Variants in SNTG2 observed in about 807,000 individuals in gnomAD.
SNTG2 encodes syntrophin gamma 2.
Under a neutral mutation model 70.9 loss-of-function variants are expected in SNTG2, and 74 were observed. The ratio of observed to expected loss-of-function variants is 1.04; its 90% CI spans 0.86 to 1.27. SNTG2 has a LOEUF of 1.27. Among genes scored for constraint, SNTG2 ranks in the 50% most tolerant of loss-of-function variants. The probability of loss-of-function intolerance (pLI) is 0.00; values close to 1 mark genes in which losing one functional copy is unlikely to be tolerated. For missense variants in SNTG2, 717 were observed against 690.7 expected, an observed-to-expected ratio of 1.04 and a Z score of -0.43; for synonymous variants, 278 against 273.8, an observed-to-expected ratio of 1.02 and a Z score of -0.15.
intron 1 of SNTG2, among the ~76,000 whole-genome samples, chr2:964,220 A>G (rs1247665068): frequency 1.3e-5 from 2 of 152,206 alleles, no homozygotes; most frequent in African/African-American, 2.4e-5. Flanking sequence ...TTTCTAAAAT[A>G]AATTCCTTAT....
chr2:1,165,288 G>C (rs1670630727), intron 6 of SNTG2, among the ~76,000 whole-genome samples: 1 of 152,062 alleles, frequency 6.6e-6, no homozygotes, highest in African/African-American at 2.4e-5. Context: ...GCATCCCTGT[G>C]ATGTGTTGTG....
At chr2:986,236 T>C (rs1233640626) in intron 1 of SNTG2, among the ~76,000 whole-genome samples, 2 of 152,178 alleles carry the variant, frequency 1.3e-5, no homozygotes, top group Non-Finnish European at 2.9e-5. Context: ...TGTACTCTCA[T>C]GGCCTGAGCA....
intron 9 of SNTG2, among the ~76,000 whole-genome samples, chr2:1,230,443 C>T (rs1180385386): frequency 6.6e-6 from 1 of 152,164 alleles, no homozygotes; most frequent in Non-Finnish European, 1.5e-5. Context: ...GTGATGCCTT[C>T]ACCTGGATGA....
intron 8 of SNTG2, among the ~76,000 whole-genome samples, chr2:1,183,896 A>G (rs530688778): frequency 6.6e-6 from 1 of 152,324 alleles, no homozygotes; most frequent in South Asian, 2.1e-4. Flanking sequence ...TCAAACAAAT[A>G]TAAGGAAAGG....
At chr2:1,042,822 G>C (rs1009669457) in intron 1 of SNTG2, among the ~76,000 whole-genome samples, 1 of 152,178 alleles carries the variant, frequency 6.6e-6, no homozygotes, top group Non-Finnish European at 1.5e-5. Flanking sequence ...ATAGTGCTGG[G>C]ATGAGGATAG....
chr2:1,145,987 A>G (rs781441828), intron 6 of SNTG2, among the ~76,000 whole-genome samples: 1 of 152,198 alleles, frequency 6.6e-6, no homozygotes, highest in Non-Finnish European at 1.5e-5. Context: ...AAAGCATTCC[A>G]CAAAACCCAA....
intron 4 of SNTG2, among the ~76,000 whole-genome samples, chr2:1,123,794 A>G (rs1667527297): frequency 6.6e-6 from 1 of 151,126 alleles, no homozygotes; most frequent in Non-Finnish European, 1.5e-5. Flanking sequence ...CATGTATCTG[A>G]TAAGAGGTTA....
At position 1,212,964 on chromosome 2, in the gene SNTG2, A is replaced by G. The variant is rs143799530; in HGVS notation, c.719+3734A>G. Among the ~76,000 whole-genome samples, 15 of 152,358 alleles carry G rather than the reference A, an allele frequency of 9.8e-5. No homozygotes were observed. The East Asian group carries it at 2.9e-3, about 29-fold the overall frequency. Reference sequence around the variant, plus strand: ...TGTAGCCCAGGAGGAACCTTTAGATATCATATAATGGAAACATAAATAGGA... The same window carrying G: ...TGTAGCCCAGGAGGAACCTTTAGATGTCATATAATGGAAACATAAATAGGA... On this transcript the variant is annotated intron_variant, in intron 9 of 16. Coordinates refer to ENST00000308624, the MANE Select transcript of SNTG2 (RefSeq NM_018968.4).
intron 7 of SNTG2, among the ~76,000 whole-genome samples, chr2:1,172,200 T>A (rs1671171726): frequency 6.6e-6 from 1 of 152,146 alleles, no homozygotes; most frequent in African/African-American, 2.4e-5. Flanking sequence ...GCTTCTTTCC[T>A]CTTTCCAGGC....
intron 16 of SNTG2, among the ~76,000 whole-genome samples, chr2:1,335,784 T>C (rs1193035388): frequency 2.0e-5 from 3 of 151,732 alleles, no homozygotes; most frequent in Non-Finnish European, 4.4e-5. Flanking sequence ...TGGCAAAATA[T>C]GAGATGGATG....
intron 8 of SNTG2, among the ~76,000 whole-genome samples, chr2:1,189,703 C>G (rs185394877): frequency 6.6e-6 from 1 of 152,000 alleles, no homozygotes; most frequent in East Asian, 1.9e-4. Context: ...CACGCCAGCA[C>G]GCCCAGCTAA....
chr2:1,274,807 C>A (rs999191630), intron 14 of SNTG2, among the ~76,000 whole-genome samples: 12 of 152,180 alleles, frequency 7.9e-5, no homozygotes, highest in Non-Finnish European at 1.6e-4. Flanking sequence ...GGCTGCTGGG[C>A]CCCTGCACAA....
chr2:1,232,671 T>C (rs1165532546), intron 9 of SNTG2, among the ~76,000 whole-genome samples: 1 of 152,178 alleles, frequency 6.6e-6, no homozygotes, highest in African/African-American at 2.4e-5. Flanking sequence ...TAATATTTAA[T>C]ATGGACTATT....
chr2:1,159,096 A>G (rs955097786), intron 6 of SNTG2, among the ~76,000 whole-genome samples: 11 of 60,894 alleles, frequency 1.8e-4, no homozygotes, highest in African/African-American at 4.4e-4. Context: ...GTGTATGTGC[A>G]TGCGTGTACC....
intron 16 of SNTG2, among the ~76,000 whole-genome samples, chr2:1,358,912 G>A (rs1398520703): frequency 6.6e-6 from 1 of 152,060 alleles, no homozygotes; most frequent in Non-Finnish European, 1.5e-5. Flanking sequence ...GTTGATCTAA[G>A]ACTTATTAAA....
intron 8 of SNTG2, among the ~76,000 whole-genome samples, chr2:1,192,534 A>AT (rs1353805524): frequency 6.6e-6 from 1 of 152,128 alleles, no homozygotes; most frequent in Non-Finnish European, 1.5e-5. Context: ...TGGTAAATTA[A>AT]TTTTTTAATT....
chr2:1,187,516 C>T (rs937756970), intron 8 of SNTG2, among the ~76,000 whole-genome samples: 5 of 152,174 alleles, frequency 3.3e-5, no homozygotes, highest in Non-Finnish European at 7.3e-5. Flanking sequence ...TTGGATTTCT[C>T]AAGCCTCCAC....
intron 4 of SNTG2, among the ~76,000 whole-genome samples, chr2:1,100,932 C>A (rs762334601): frequency 2.0e-5 from 3 of 148,754 alleles, no homozygotes; most frequent in Non-Finnish European, 4.5e-5. Flanking sequence ...GGAGTGTGAA[C>A]GTGACCCTGG....
intron 8 of SNTG2, among the ~76,000 whole-genome samples, chr2:1,180,178 C>T (rs1436913229): frequency 8.1e-6 from 1 of 122,732 alleles, no homozygotes; most frequent in African/African-American, 3.0e-5. Flanking sequence ...ATGTCTAAAA[C>T]ACCAAAAGCA....
Sources: allele counts gnomAD v4.1 joint callset (sites outside exome capture counted in the v4.1 genomes callset), GRCh38; gene constraint gnomAD v4.1.1; transcripts MANE v1.5; gene names NCBI Gene and HGNC (gene_info 2026-07-23, HGNC 2026-07-21).